CAB39: variants seen among roughly 807,000 people sequenced by gnomAD.
The protein encoded by CAB39 is calcium binding protein 39, also known as calcium-binding protein 39.
Under a neutral mutation model 40.0 loss-of-function variants are expected in CAB39, and 8 were observed. The observed-to-expected ratio is 0.20, with a 90% CI of 0.12 to 0.36. The LOEUF (loss-of-function observed/expected upper bound fraction) is 0.36, where lower values mean the gene tolerates loss of function less well. Among genes scored for constraint, CAB39 ranks in the 10% least tolerant of loss-of-function variants. The pLI, the probability that CAB39 is intolerant of heterozygous loss-of-function variation, is 1.00. For synonymous variants in CAB39, 156 were observed against 141.6 expected (o/e 1.10, Z -0.72); for missense variants, 270 against 401.1 (o/e 0.67, Z 2.79).
chr2:230,798,424 C>G (rs535559941), intron 4 of CAB39, among the ~76,000 whole-genome samples: 4 of 152,112 alleles, frequency 2.6e-5, no homozygotes, highest in Non-Finnish European at 4.4e-5. Flanking sequence ...TGGTATGACC[C>G]GAAATACTTC....
chr2:230,760,844 C>T (rs1440579560), intron 2 of CAB39, among the ~76,000 whole-genome samples: 1 of 152,154 alleles, frequency 6.6e-6, no homozygotes, highest in Non-Finnish European at 1.5e-5. Context: ...GTTCTGACTT[C>T]CATTCCTTCT....
intron 4 of CAB39, among the ~76,000 whole-genome samples, chr2:230,797,402 G>A (rs924463268): frequency 2.6e-5 from 4 of 152,154 alleles, no homozygotes; most frequent in Non-Finnish European, 5.9e-5. Context: ...GTAGCTATAT[G>A]TGGCCAATCT....
intron 1 of CAB39, among the ~76,000 whole-genome samples, chr2:230,726,539 A>G (rs6756724): frequency 1.6e-3 from 241 of 152,236 alleles, no homozygotes; most frequent in African/African-American, 5.7e-3. Flanking sequence ...GCTTTGGCAC[A>G]TAAGTCACAT....
intron 5 of CAB39, among the ~76,000 whole-genome samples, chr2:230,809,993 T>G (rs1364500457): frequency 6.6e-6 from 1 of 152,238 alleles, no homozygotes; most frequent in Admixed American, 6.5e-5. Flanking sequence ...CCTTATTCTT[T>G]TCCTTTAGTT....
chr2:230,817,965 C>G, intron 8 of CAB39, 68 bp downstream of exon 8: 1 of 1,385,312 alleles, frequency 7.2e-7, no homozygotes, highest in Non-Finnish European at 1.0e-6. Context: ...TCGCAAATAA[C>G]GGAAATTATT....
At chr2:230,733,606 C>T (rs1485407905) in intron 1 of CAB39, among the ~76,000 whole-genome samples, 1 of 152,184 alleles carries the variant, frequency 6.6e-6, no homozygotes, top group African/African-American at 2.4e-5. Flanking sequence ...TAAGTAGCTT[C>T]TCAGGAACTA....
intron 1 of CAB39, among the ~76,000 whole-genome samples, chr2:230,719,729 C>T (rs1694412483): frequency 6.6e-6 from 1 of 152,160 alleles, no homozygotes; most frequent in Admixed American, 6.5e-5. Context: ...TCTCTCTGGG[C>T]TTCAGTCATC....
rs759314442 is a variant in CAB39 at position 230,748,813 on chromosome 2, GAAAAAAAA to G, written c.-43-11134_-43-11127del. 4.2e-3 allele frequency among the ~76,000 whole-genome samples: 134 copies of G among 31,756 alleles called. 1 individual carries two copies. Among genetic ancestry groups the G allele is most frequent in the African/African-American group, 0.014 (127 of 9,242 alleles). 20.8% of individuals were successfully genotyped at this position (31,756 alleles called of 152,430 possible). A position where few individuals can be genotyped will look rare whatever the true frequency, so the allele number is the denominator to read the frequency against. On this transcript the variant is annotated intron_variant, in intron 1 of 8. Transcript: ENST00000258418. ...TAGAGTGAGATTCTATTTCCAAAAA[GAAAAAAAA>G]AAAAAAAAAAATATATATATATATA...
In CAB39 at chr2:230,796,116, A is replaced by G. The variant is rs1256198293; in HGVS notation, c.399-2613A>G. 4.6e-5 allele frequency among the ~76,000 whole-genome samples: 7 copies of G among 152,100 alleles called. 1 individual carries two copies. Among genetic ancestry groups the G allele is most frequent in the African/African-American group, 1.4e-4 (6 of 41,402 alleles). ...CTGGCGTAGGATGACCATCTTGCTC[A>G]TTTTGTACGAGTCCTGCCAGACCTG... On this transcript the variant is annotated intron_variant, in intron 4 of 8. Coordinates refer to ENST00000258418, the MANE Select transcript of CAB39 (RefSeq NM_016289.4).
Position 230,798,840 on chromosome 2 carries a change from C to T in CAB39, c.510C>T (p.Phe170=), listed in dbSNP as rs781409681. The part of the protein sequence containing the change: ...ILWSEQFYDF[F]RYVEMSTFDI... The stretch of plus-strand genomic sequence containing the variant: ...GGTCGGAACAGTTTTATGATTTCTT[C>T]AGATATGTCGAAATGTCAACATTTG... Residue 170 remains phenylalanine (F), a synonymous_variant, in exon 5 of 9, where the codon TTC becomes TTT. Coordinates refer to ENST00000258418, the MANE Select transcript of CAB39 (RefSeq NM_016289.4). 4 of 1,609,946 alleles carry T rather than the reference C, an allele frequency of 2.5e-6. No individual in the cohort carries two copies. In the Admixed American group the frequency reaches 6.7e-5, roughly 27 times the overall value.
chr2:230,720,539 G>C (rs62193603), intron 1 of CAB39, among the ~76,000 whole-genome samples: 15,454 of 152,082 alleles, frequency 0.1, 1,108 homozygotes, highest in Middle Eastern at 0.16. Flanking sequence ...GGGTTCAAGC[G>C]ATTCTCCTAC....
intron 5 of CAB39, among the ~76,000 whole-genome samples, chr2:230,800,037 G>A (rs1003153900): frequency 4.6e-5 from 7 of 151,328 alleles, no homozygotes; most frequent in Admixed American, 1.3e-4. Context: ...ACAGCCCAAA[G>A]AAAATACATA....
At chr2:230,818,447 T>C in intron 8 of CAB39, 69 bp from the exon 9 acceptor site, 1 of 1,288,216 alleles carries the variant, frequency 7.8e-7, no homozygotes, top group Non-Finnish European at 1.1e-6. Flanking sequence ...TTCTGCACTG[T>C]GGCCGCAGCT....
intron 2 of CAB39, among the ~76,000 whole-genome samples, chr2:230,782,813 C>CTTTCTTTCTTTTTT (rs1286339069): frequency 1.1e-4 from 9 of 81,764 alleles, no homozygotes; most frequent in African/African-American, 5.6e-4. Flanking sequence ...TTCTTTCTTT[C>CTTTCTTTCTTTTTT]TTTTTTTTTT....
rs761754366 is a variant in CAB39, at chr2:230,818,671, G to A, written c.993G>A (p.Arg331=). ...AGACCTATTTAGTTAAACAGATCAG[G>A]GATTTGAAGAGACCAGCTCAGCAAG... ...DEKTYLVKQI[R]DLKRPAQQEA The change falls in exon 9 of 9, where the codon AGG becomes AGA. Residue 331 remains arginine (R), a synonymous_variant. Coordinates refer to ENST00000258418, the MANE Select transcript of CAB39 (RefSeq NM_016289.4). 18 of 1,614,014 alleles carry A rather than the reference G, an allele frequency of 1.1e-5. No homozygotes were observed. The highest frequency in any genetic ancestry group is 2.2e-5 in the East Asian group (1 of 44,884).
chr2:230,717,189 TGTG>T (rs1409363247), intron 1 of CAB39, among the ~76,000 whole-genome samples: 1 of 152,092 alleles, frequency 6.6e-6, no homozygotes, highest in Non-Finnish European at 1.5e-5. Flanking sequence ...TTGATAAAAT[TGTG>T]GGGAAAAAAT....
rs1024351498 is a variant in CAB39 at position 230,819,785 on chromosome 2, A to G, written c.*1081A>G. 6.6e-6 allele frequency: 1 copy of G among 152,340 alleles called. No individual in the cohort carries two copies. The highest frequency in any genetic ancestry group is 2.4e-5 in the African/African-American group (1 of 41,442). 9.4% of individuals were successfully genotyped at this position (152,340 alleles called of 1,614,324 possible). On this transcript the variant is annotated 3_prime_UTR_variant, in exon 9 of 9. Coordinates refer to ENST00000258418, the MANE Select transcript of CAB39 (RefSeq NM_016289.4). ...TTCCTGCATCCTATTGGCCTTATTC[A>G]TTTTAAATGAGTTAATGAATCTGCC...
At chr2:230,796,687 C>G (rs1575953467) in intron 4 of CAB39, among the ~76,000 whole-genome samples, 2 of 151,962 alleles carry the variant, frequency 1.3e-5, no homozygotes, top group South Asian at 4.2e-4. Flanking sequence ...TAAGAGGACA[C>G]CACTACTAGA....
chr2:230,773,314 A>ATATATGTGTGTG (rs371297550), intron 2 of CAB39, among the ~76,000 whole-genome samples: 101 of 132,682 alleles, frequency 7.6e-4, no homozygotes, highest in African/African-American at 2.0e-3. Flanking sequence ...ATATATATAT[A>ATATATGTGTGTG]TGTGTGTGTG....
Sources: gnomAD v4.1 joint callset for allele counts (sites outside exome capture counted in the v4.1 genomes callset) on GRCh38, gnomAD v4.1.1 for gene constraint, MANE v1.5 for transcripts, NCBI Gene and HGNC (gene_info 2026-07-23, HGNC 2026-07-21) for gene names.